Variants in CAPRIN1 observed in about 807,000 individuals in gnomAD.
CAPRIN1 encodes caprin-1.
In CAPRIN1, 29 loss-of-function variants were observed where a neutral mutation model predicts 100.9. That is an observed-to-expected ratio of 0.29 (90% CI 0.21 to 0.39). The LOEUF (loss-of-function observed/expected upper bound fraction) is 0.39. Ranked by LOEUF, CAPRIN1 falls within the 10% of genes least tolerant of loss-of-function variation. CAPRIN1 has a pLI of 1.00. For synonymous variants in CAPRIN1, 338 were observed against 307.5 expected, an observed-to-expected ratio of 1.10 and a Z score of -1.04; for missense variants, 795 against 876.7, an observed-to-expected ratio of 0.91 and a Z score of 1.18.
At chr11:34,053,926 C>T (rs531349609) in intron 2 of CAPRIN1, among the ~76,000 whole-genome samples, 1 of 152,308 alleles carries the variant, frequency 6.6e-6, no homozygotes, top group Non-Finnish European at 1.5e-5. Flanking sequence ...ATAACTTCTA[C>T]TTGTCTGCCT....
chr11:34,069,014 A>G (rs1381646430), intron 2 of CAPRIN1, among the ~76,000 whole-genome samples: 1 of 152,112 alleles, frequency 6.6e-6, no homozygotes, highest in Non-Finnish European at 1.5e-5. Context: ...GTTCAGTAAT[A>G]ATGAACTGTG....
intron 9 of CAPRIN1, among the ~76,000 whole-genome samples, chr11:34,083,849 C>CA (rs201936496): frequency 0.085 from 12,954 of 152,208 alleles, 570 homozygotes; most frequent in African/African-American, 0.092. Context: ...AGGTGGATCA[C>CA]ATGAGGCCAA....
At chr11:34,092,167 T>A in intron 15 of CAPRIN1, 111 bp downstream of exon 15, 1 of 1,042,586 alleles carries the variant, frequency 9.6e-7, no homozygotes, top group Non-Finnish European at 1.4e-6. Flanking sequence ...TCTGTTTTAG[T>A]AGCAGACCAT....
At position 34,101,307 on chromosome 11, in the gene CAPRIN1, A is replaced by G. The variant is rs549403853; in HGVS notation, c.*1940A>G. 2.0e-5 allele frequency among the ~76,000 whole-genome samples: 3 copies of G among 152,150 alleles called. No homozygotes were observed. The highest frequency in any genetic ancestry group is 2.1e-4 in the South Asian group (1 of 4,836). Reference sequence around the variant, plus strand: ...CATATGTTACCTGTATCTTAGGGGAATGGATAAAATATTTGTGGTTTACTG... The same window carrying G: ...CATATGTTACCTGTATCTTAGGGGAGTGGATAAAATATTTGTGGTTTACTG... On this transcript the variant is annotated 3_prime_UTR_variant, in exon 19 of 19. Transcript: ENST00000341394.
chr11:34,091,312 A>G (rs1330690518), intron 14 of CAPRIN1, among the ~76,000 whole-genome samples: 1 of 152,166 alleles, frequency 6.6e-6, no homozygotes, highest in Non-Finnish European at 1.5e-5. Context: ...TTTGAGACAA[A>G]GTCTTGCTCC....
At chr11:34,086,729 G>A (rs1194533537) in intron 11 of CAPRIN1, among the ~76,000 whole-genome samples, 2 of 152,178 alleles carry the variant, frequency 1.3e-5, no homozygotes, top group Non-Finnish European at 2.9e-5. Context: ...AGAAACCTAC[G>A]TTGTTTCCTT....
chr11:34,093,226 C>CT (rs1851297938), intron 15 of CAPRIN1, among the ~76,000 whole-genome samples: 1 of 145,830 alleles, frequency 6.9e-6, no homozygotes, highest in South Asian at 2.1e-4. Flanking sequence ...AATGGGGTCT[C>CT]TGTCTGTTGC....
chr11:34,091,859 C>A, intron 14 of CAPRIN1, 47 bp from the exon 15 acceptor site: 1 of 1,548,678 alleles, frequency 6.5e-7, no homozygotes, highest in South Asian at 1.2e-5. Context: ...ATGTTATAAA[C>A]CAGAGAATAA....
intron 2 of CAPRIN1, 197 bp downstream of exon 2, chr11:34,052,833 C>T (rs965519722): frequency 1.9e-5 from 28 of 1,442,972 alleles, no homozygotes; most frequent in Middle Eastern, 2.6e-4. Flanking sequence ...TTGGAAGAGG[C>T]ACTTGTCACC....
intron 6 of CAPRIN1, among the ~76,000 whole-genome samples, chr11:34,078,496 C>T (rs554367198): frequency 6.6e-6 from 1 of 152,176 alleles, no homozygotes; most frequent in African/African-American, 2.4e-5. Flanking sequence ...TTTCGATTGT[C>T]TACTTTTTTC....
chr11:34,097,370 T>C (rs925140967), intron 17 of CAPRIN1, 74 bp downstream of exon 17: 46 of 1,203,726 alleles, frequency 3.8e-5, no homozygotes, highest in Non-Finnish European at 4.3e-5. Flanking sequence ...TGTTGCTTAA[T>C]GAACCTAAGT....
At chr11:34,087,763 G>A (rs16925153) in intron 11 of CAPRIN1, among the ~76,000 whole-genome samples, 16,275 of 152,220 alleles carry the variant, frequency 0.11, 970 homozygotes, top group African/African-American at 0.17. Flanking sequence ...CAGCTGGGGA[G>A]TTGTGTGAAA....
At chr11:34,062,045 C>T (rs543709316) in intron 2 of CAPRIN1, among the ~76,000 whole-genome samples, 5 of 152,146 alleles carry the variant, frequency 3.3e-5, no homozygotes, top group African/African-American at 4.8e-5. Context: ...CATAGACTCC[C>T]GCTACATGAG....
rs558594668 is a variant in CAPRIN1 at position 34,099,611 on chromosome 11, A to G, written c.*244A>G. On this transcript the variant is annotated 3_prime_UTR_variant, in exon 19 of 19. Coordinates refer to ENST00000341394, the MANE Select transcript of CAPRIN1 (RefSeq NM_005898.5). ...ATCTTGAGCCTTGCACATGATACTC[A>G]GATTCCTCACCCTTGCTTAGGAGTA... 6.9e-5 allele frequency: 35 copies of G among 507,690 alleles called. No homozygotes were observed. Among genetic ancestry groups the G allele is most frequent in the African/African-American group, 6.1e-4 (32 of 52,280 alleles). The allele number at this position is 507,690 out of a possible 1,614,324, so 31.4% of individuals were successfully genotyped here. A position where few individuals can be genotyped will look rare whatever the true frequency, so the allele number is the denominator to read the frequency against.
chr11:34,052,517 G>T lies in CAPRIN1; in HGVS notation c.97G>T (p.Gly33Trp). ...CGGGAGTGAGGCGGCCGCGGGAGCC[G>T]GGGCCGCCGCGCCGGCTTCTCAGCA... Reference protein sequence around the residue: ...SSGSEAAAGAGAAAPASQHPA... With the variant: ...SSGSEAAAGAWAAAPASQHPA... The change falls in exon 2 of 19, where the codon GGG becomes TGG. Residue 33 changes from glycine to tryptophan, a missense_variant. Around this residue, in one of 3 missense-constraint regions of CAPRIN1, gnomAD observed 109 missense variants for 86.6 expected, o/e 1.26. Coordinates refer to ENST00000341394, the MANE Select transcript of CAPRIN1 (RefSeq NM_005898.5). 1 of 1,603,864 alleles carries T rather than the reference G, an allele frequency of 6.2e-7. No homozygotes were observed.
chr11:34,078,173 T>C (rs998058209), intron 6 of CAPRIN1, among the ~76,000 whole-genome samples: 2 of 152,200 alleles, frequency 1.3e-5, no homozygotes, highest in Non-Finnish European at 2.9e-5. Flanking sequence ...TCTATAACTT[T>C]TTGAAAACAG....
chr11:34,071,837 A>T, intron 3 of CAPRIN1, 49 bp downstream of exon 3: 2 of 1,586,550 alleles, frequency 1.3e-6, no homozygotes, highest in Non-Finnish European at 1.7e-6. Context: ...ACTATTTTAA[A>T]GACAAAAATT....
At chr11:34,091,431 C>A (rs1387557151) in intron 14 of CAPRIN1, among the ~76,000 whole-genome samples, 1 of 152,150 alleles carries the variant, frequency 6.6e-6, no homozygotes, top group Non-Finnish European at 1.5e-5. Context: ...ACACTCCAGG[C>A]ATAAGCCACC....
chr11:34,092,175 C>A, intron 15 of CAPRIN1, 119 bp downstream of exon 15: 1 of 852,758 alleles, frequency 1.2e-6, no homozygotes. Flanking sequence ...AGTAGCAGAC[C>A]ATATGAATTT....
Sources: allele counts gnomAD v4.1 joint callset (sites outside exome capture counted in the v4.1 genomes callset), GRCh38; gene constraint gnomAD v4.1.1; regional missense constraint gnomAD v4.1.1; transcripts MANE v1.5; gene names NCBI Gene and HGNC (gene_info 2026-07-23, HGNC 2026-07-21).